The following SRFBP1 variants were observed in gnomAD, a reference collection of about 807,000 sequenced individuals.
SRFBP1 encodes the protein serum response factor-binding protein 1.
Under a neutral mutation model 45.5 loss-of-function variants are expected in SRFBP1, and 47 were observed. The observed-to-expected ratio is 1.03, with a 90% CI of 0.82 to 1.32. SRFBP1 has a LOEUF of 1.32. Ranked by LOEUF, SRFBP1 falls within the 40% of genes most tolerant of loss-of-function variation. The pLI, the probability that SRFBP1 is intolerant of heterozygous loss-of-function variation, is 0.00. For missense variants in SRFBP1, 621 were observed against 484.6 expected (o/e 1.28, Z -2.64); for synonymous variants, 203 against 166.3 (o/e 1.22, Z -1.70).
At chr5:122,004,294 T>G (rs899672950) in intron 4 of SRFBP1, among the ~76,000 whole-genome samples, 10 of 152,180 alleles carry the variant, frequency 6.6e-5, no homozygotes, top group African/African-American at 2.2e-4. Context: ...CCATTTTGAG[T>G]TGAGGTTTGT....
At chr5:122,006,653 A>G (rs1030186971) in intron 4 of SRFBP1, among the ~76,000 whole-genome samples, 2 of 151,926 alleles carry the variant, frequency 1.3e-5, no homozygotes, top group Non-Finnish European at 2.9e-5. Context: ...ATGTTCACAG[A>G]TTCTTCTGTT....
chr5:122,066,707 G>C (rs1754309975), intron 2 of SRFBP1: 2 of 1,579,790 alleles, frequency 1.3e-6, no homozygotes, highest in African/African-American at 2.7e-5. Flanking sequence ...AGAACACCAG[G>C]CACTGATTTA....
intron 1 of SRFBP1, among the ~76,000 whole-genome samples, chr5:121,963,778 T>A (rs1311881474): frequency 3.9e-5 from 6 of 152,096 alleles, no homozygotes; most frequent in Admixed American, 3.9e-4. Flanking sequence ...CACTGAAGTC[T>A]AGTGTGTTCT....
intron 3 of SRFBP1, among the ~76,000 whole-genome samples, chr5:121,988,379 ATGAAAGG>A: frequency 6.6e-6 from 1 of 152,348 alleles, no homozygotes; most frequent in Admixed American, 6.5e-5. Flanking sequence ...CACAGGACTC[ATGAAAGG>A]CTGTTATACT....
chr5:121,962,119 C>T, intron 1 of SRFBP1, 51 bp downstream of exon 1: 1 of 1,608,158 alleles, frequency 6.2e-7, no homozygotes, highest in East Asian at 2.2e-5. Context: ...TCAAAACCAG[C>T]TCTTTTGAGA....
chr5:121,966,946 A>ATTTTTTTTTTTTTTT (rs34687337), intron 1 of SRFBP1, among the ~76,000 whole-genome samples: 2 of 114,686 alleles, frequency 1.7e-5, no homozygotes, highest in African/African-American at 3.3e-5. Context: ...CGCCCAGCTA[A>ATTTTTTTTTTTTTTT]TTTTTTTTTT....
chr5:122,062,292 A>ATTTT (rs1434610254), intron 2 of SRFBP1, among the ~76,000 whole-genome samples: 1 of 151,934 alleles, frequency 6.6e-6, no homozygotes, highest in Non-Finnish European at 1.5e-5. Flanking sequence ...GAGTATGGGG[A>ATTTT]AAGGTCTCTG....
intron 1 of SRFBP1, among the ~76,000 whole-genome samples, chr5:121,968,273 G>A (rs577158312): frequency 1.9e-4 from 28 of 150,378 alleles, no homozygotes; most frequent in Non-Finnish European, 3.4e-4. Context: ...TACAGTAATG[G>A]GCAGGTAACG....
chr5:121,997,834 C>A (rs973665330), intron 4 of SRFBP1, among the ~76,000 whole-genome samples: 2 of 151,242 alleles, frequency 1.3e-5, no homozygotes, highest in African/African-American at 4.9e-5. Context: ...AAACAAACAA[C>A]CCCATCAAAA....
intron 1 of SRFBP1, 61 bp from the exon 2 acceptor site, chr5:121,974,135 T>G: frequency 4.3e-6 from 5 of 1,169,350 alleles, no homozygotes; most frequent in Non-Finnish European, 6.3e-6. Context: ...AGACTCAAAA[T>G]AAAGTGTGTT....
intron 2 of SRFBP1, among the ~76,000 whole-genome samples, chr5:122,072,690 C>T (rs1466477159): frequency 4.6e-5 from 7 of 151,876 alleles, no homozygotes; most frequent in African/African-American, 1.2e-4. Context: ...ATATATAAAT[C>T]GCTCAATGCA....
rs1393705581 is a variant in SRFBP1, at chr5:122,020,403, C to T, written c.668C>T (p.Ala223Val). Residue 223 changes from alanine to valine, a missense_variant, in exon 6 of 8, where the codon GCT becomes GTT. Ala to Val is a moderately conservative substitution (Grantham distance 64). Transcript: ENST00000339397. ...VVSLESQKTP[A>V]DPKLKTLSQT... ...TCCCTTGAGTCCCAGAAGACACCTG[C>T]TGACCCAAAACTGAAAACTCTAAGT... is the stretch of plus-strand genomic sequence containing the variant. 6.2e-7 allele frequency: 1 copy of T among 1,613,964 alleles called. No individual in the cohort carries two copies. The highest frequency in any genetic ancestry group is 2.2e-5 in the East Asian group (1 of 44,892).
At chr5:121,990,048 A>G (rs1261688475) in intron 3 of SRFBP1, among the ~76,000 whole-genome samples, 2 of 152,198 alleles carry the variant, frequency 1.3e-5, no homozygotes, top group Admixed American at 6.5e-5. Flanking sequence ...CAGAGCTACC[A>G]TTCAACCCAG....
chr5:122,074,769 T>C (rs1228871254), intron 2 of SRFBP1, among the ~76,000 whole-genome samples: 3 of 152,212 alleles, frequency 2.0e-5, no homozygotes, highest in African/African-American at 4.8e-5. Context: ...TGCTGAGCTG[T>C]TCATCTTCCC....
Position 122,028,375 on chromosome 5 carries a change from G to T in SRFBP1, c.*1249G>T, listed in dbSNP as rs919509111. On this transcript the variant is annotated 3_prime_UTR_variant, in exon 8 of 8. Coordinates refer to ENST00000339397, the MANE Select transcript of SRFBP1 (RefSeq NM_152546.3). Reference sequence around the variant, plus strand: ...AATCCCAGCACTTTGGGAGGCTGAGGCGGGTAGATCGCTAGAGGCAAGGAG... The same window carrying T: ...AATCCCAGCACTTTGGGAGGCTGAGTCGGGTAGATCGCTAGAGGCAAGGAG... 13 of 152,206 alleles carry T rather than the reference G, an allele frequency of 8.5e-5. No homozygotes were observed. Among genetic ancestry groups the T allele is most frequent in the African/African-American group, 2.7e-4 (11 of 41,446 alleles). 9.4% of individuals were successfully genotyped at this position (152,206 alleles called of 1,614,324 possible).
At chr5:122,008,008 G>C (rs1753013456) in intron 4 of SRFBP1, among the ~76,000 whole-genome samples, 2 of 152,126 alleles carry the variant, frequency 1.3e-5, no homozygotes, top group African/African-American at 4.8e-5. Flanking sequence ...CACTGAGGCA[G>C]ACCTGGACCC....
intron 1 of SRFBP1, among the ~76,000 whole-genome samples, chr5:121,968,254 T>TATC (rs1554084305): frequency 6.0e-5 from 9 of 149,620 alleles, no homozygotes; most frequent in African/African-American, 2.2e-4. Context: ...TTATTATTAT[T>TATC]ATTTTCTGTA....
At chr5:122,078,042 A>C, downstream of SRFBP1, 2 of 1,407,334 alleles carry the variant, frequency 1.4e-6, no homozygotes, top group Non-Finnish European at 1.9e-6. Flanking sequence ...AGAAAATAAA[A>C]ACGGGGCTCA....
chr5:122,062,605 G>A (rs989709820), intron 2 of SRFBP1, among the ~76,000 whole-genome samples: 14 of 152,134 alleles, frequency 9.2e-5, no homozygotes, highest in African/African-American at 3.1e-4. Context: ...GTGGTTTCAG[G>A]TATCACTGAT....
Sources: allele counts gnomAD v4.1 joint callset (sites outside exome capture counted in the v4.1 genomes callset), GRCh38; gene constraint gnomAD v4.1.1; transcripts MANE v1.5; gene names NCBI Gene and HGNC (gene_info 2026-07-23, HGNC 2026-07-21).